CDKAL1: variants seen among roughly 807,000 people sequenced by gnomAD.
The protein encoded by CDKAL1 is CDKAL1 threonylcarbamoyladenosine tRNA methylthiotransferase, also known as threonylcarbamoyladenosine tRNA methylthiotransferase.
A neutral mutation model predicts 68.2 loss-of-function variants in CDKAL1; 32 were observed. The ratio of observed to expected loss-of-function variants is 0.47; its 90% CI spans 0.35 to 0.63. The LOEUF (loss-of-function observed/expected upper bound fraction) is 0.63. Ranked by LOEUF, CDKAL1 falls within the 30% of genes least tolerant of loss-of-function variation. The pLI is 0.00. For synonymous variants in CDKAL1, 234 were observed against 244.3 expected, an observed-to-expected ratio of 0.96 and a Z score of 0.39; for missense variants, 606 against 696.7, an observed-to-expected ratio of 0.87 and a Z score of 1.47.
intron 6 of CDKAL1, among the ~76,000 whole-genome samples, chr6:20,757,212 G>A (rs1200223577): frequency 6.6e-6 from 1 of 152,010 alleles, no homozygotes; most frequent in East Asian, 1.9e-4. Flanking sequence ...TGGAATTATA[G>A]GCATGAACCA....
chr6:20,877,714 G>T (rs1022295255), intron 9 of CDKAL1, among the ~76,000 whole-genome samples: 1 of 152,164 alleles, frequency 6.6e-6, no homozygotes, highest in East Asian at 1.9e-4. Context: ...TTTTAAACTT[G>T]TGCATTAGGG....
At chr6:20,599,887 T>A (rs959149771) in intron 4 of CDKAL1, among the ~76,000 whole-genome samples, 5 of 152,190 alleles carry the variant, frequency 3.3e-5, no homozygotes, top group African/African-American at 1.2e-4. Context: ...TTTGGTTTAC[T>A]GATAATCATT....
intron 12 of CDKAL1, among the ~76,000 whole-genome samples, chr6:21,099,270 T>C (rs1773466592): frequency 6.6e-6 from 1 of 152,180 alleles, no homozygotes; most frequent in Admixed American, 6.5e-5. Flanking sequence ...AGGCCATACA[T>C]TTTCTATTGC....
At chr6:21,012,782 T>A (rs1232222264) in intron 11 of CDKAL1, among the ~76,000 whole-genome samples, 2 of 152,120 alleles carry the variant, frequency 1.3e-5, no homozygotes, top group Non-Finnish European at 1.5e-5. Flanking sequence ...TGAGGTGGCA[T>A]TAGGGTGAAT....
At chr6:20,716,697 A>G (rs1056099413) in intron 5 of CDKAL1, among the ~76,000 whole-genome samples, 1 of 151,656 alleles carries the variant, frequency 6.6e-6, no homozygotes, top group Admixed American at 6.6e-5. Flanking sequence ...TGGGTGTGGG[A>G]ATGAGAAGTC....
chr6:21,201,158 G>T lies in CDKAL1; in HGVS notation c.1432G>T (p.Asp478Tyr), dbSNP rs776197771. ...GTTCATGGGGAAGATGGTTGAAGTG[G>T]ACATCTATGAATCAGGCAAACATTT... ...PAFMGKMVEVDIYESGKHFMK... is the reference protein window; with the variant it reads ...PAFMGKMVEVYIYESGKHFMK... The change falls in exon 15 of 16, where the codon GAC becomes TAC. Residue 478 changes from aspartate to tyrosine, a missense_variant. Physicochemically the swap from Asp to Tyr is radical, Grantham distance 160. Coordinates refer to ENST00000274695, the MANE Select transcript of CDKAL1 (RefSeq NM_017774.3). 3 of 1,613,876 alleles carry T rather than the reference G, an allele frequency of 1.9e-6. No homozygotes were observed. The highest frequency in any genetic ancestry group is 1.7e-6 in the Non-Finnish European group (2 of 1,179,778).
chr6:20,775,164 A>G (rs1446140821), intron 7 of CDKAL1, among the ~76,000 whole-genome samples: 1 of 152,104 alleles, frequency 6.6e-6, no homozygotes, highest in African/African-American at 2.4e-5. Context: ...TTACATATTT[A>G]TCACCATCTC....
At chr6:20,957,963 T>C (rs1170822853) in intron 10 of CDKAL1, among the ~76,000 whole-genome samples, 1 of 116,400 alleles carries the variant, frequency 8.6e-6, no homozygotes, top group East Asian at 2.5e-4. Context: ...AAAGCAAGAT[T>C]ATCTCAAAAA....
chr6:21,006,733 C>G (rs1767747893), intron 11 of CDKAL1, among the ~76,000 whole-genome samples: 1 of 152,208 alleles, frequency 6.6e-6, no homozygotes, highest in African/African-American at 2.4e-5. Context: ...CCGTAGGATT[C>G]TGGGACTACC....
Position 20,633,033 on chromosome 6 carries a change from GGTTTTT to G in CDKAL1, c.287-16241_287-16236del, listed in dbSNP as rs112812803. On this transcript the variant is annotated intron_variant, in intron 4 of 15. Transcript: ENST00000274695. ...ATGGTGTGGCTCCAGCTTACCTCTAGGTTTTTGTTTTTGTTTTTGTTTTTTAACAGC... is the reference window on the plus strand; with the variant it reads ...ATGGTGTGGCTCCAGCTTACCTCTAGGTTTTTGTTTTTGTTTTTTAACAGC... Among the ~76,000 whole-genome samples the G allele has an allele frequency of 1.1e-3, 173 of 152,188 alleles. 1 individual carries two copies. The highest frequency in any genetic ancestry group is 3.7e-3 in the African/African-American group (153 of 41,524).
chr6:20,802,848 G>T (rs1025499246), intron 8 of CDKAL1, among the ~76,000 whole-genome samples: 2 of 152,194 alleles, frequency 1.3e-5, no homozygotes, highest in Admixed American at 1.3e-4. Context: ...AGATTACTCT[G>T]TGTCTGCAGA....
chr6:20,919,248 T>G (rs1762845694), intron 9 of CDKAL1, among the ~76,000 whole-genome samples: 1 of 152,192 alleles, frequency 6.6e-6, no homozygotes, highest in Admixed American at 6.5e-5. Flanking sequence ...ACTGTAGACT[T>G]TTCTTCATTA....
rs989467002 is a variant in CDKAL1, at chr6:21,164,116, C to G, written c.1300-33905C>G. On this transcript the variant is annotated intron_variant, in intron 13 of 15. Coordinates refer to ENST00000274695, the MANE Select transcript of CDKAL1 (RefSeq NM_017774.3). ...GGTCCAGGATGACATTTTCACCAAA[C>G]TGCAGAAGAGATAAGAAAAACAAAG... 1.1e-4 allele frequency among the ~76,000 whole-genome samples: 17 copies of G among 151,914 alleles called. 1 individual carries two copies. Among genetic ancestry groups the G allele is most frequent in the African/African-American group, 4.1e-4 (17 of 41,228 alleles).
intron 10 of CDKAL1, among the ~76,000 whole-genome samples, chr6:20,968,538 C>A (rs568182385): frequency 6.6e-6 from 1 of 152,000 alleles, no homozygotes; most frequent in East Asian, 1.9e-4. Flanking sequence ...CTTTCCTTTC[C>A]TAGAACTCCC....
At chr6:20,613,402 G>A (rs1766737293) in intron 4 of CDKAL1, among the ~76,000 whole-genome samples, 1 of 149,980 alleles carries the variant, frequency 6.7e-6, no homozygotes. Context: ...GGCCTCCCAA[G>A]TAGCTGGGAT....
rs540739063 is a variant in CDKAL1, at chr6:21,023,539, T to C, written c.1055+23167T>C. 3.9e-5 allele frequency among the ~76,000 whole-genome samples: 6 copies of C among 152,322 alleles called. No homozygotes were observed. The South Asian group carries it at 1.0e-3, about 26-fold the overall frequency. On this transcript the variant is annotated intron_variant, in intron 11 of 15. Transcript: ENST00000274695. ...TACATAAGTCAAGCGGCTTTTTTTT[T>C]CCATACCCCTGTCAAACATTGTACA...
chr6:20,944,282 C>A (rs891153426), intron 9 of CDKAL1, among the ~76,000 whole-genome samples: 4 of 152,162 alleles, frequency 2.6e-5, no homozygotes, highest in Non-Finnish European at 5.9e-5. Flanking sequence ...GTCAATTTTT[C>A]TAGTTGTTTA....
chr6:21,015,788 G>A (rs145149423), intron 11 of CDKAL1, among the ~76,000 whole-genome samples: 1,544 of 151,856 alleles, frequency 0.01, 27 homozygotes, highest in African/African-American at 0.036. Context: ...TTAGCCAGGC[G>A]TGATGGTGCG....
chr6:20,868,859 T>C (rs935026753), intron 9 of CDKAL1, among the ~76,000 whole-genome samples: 2 of 152,190 alleles, frequency 1.3e-5, no homozygotes, highest in South Asian at 4.1e-4. Flanking sequence ...CAGAGGTGTA[T>C]GAAAATGAAA....
Sources: gnomAD v4.1 joint callset for allele counts (sites outside exome capture counted in the v4.1 genomes callset) on GRCh38, gnomAD v4.1.1 for gene constraint, MANE v1.5 for transcripts, NCBI Gene and HGNC (gene_info 2026-07-23, HGNC 2026-07-21) for gene names.